PIGK: variants seen among roughly 807,000 people sequenced by gnomAD.
The protein encoded by PIGK is GPI-anchor transamidase.
In PIGK, 42 loss-of-function variants were observed where a neutral mutation model predicts 50.6. That is an observed-to-expected ratio of 0.83 (90% CI 0.65 to 1.07). PIGK has a LOEUF of 1.07. Among genes scored for constraint, PIGK ranks in the 50% least tolerant of loss-of-function variants. PIGK has a pLI of 0.00. For missense variants in PIGK, 448 were observed against 488.7 expected, an observed-to-expected ratio of 0.92 and a Z score of 0.78; for synonymous variants, 151 against 156.0, an observed-to-expected ratio of 0.97 and a Z score of 0.24.
At chr1:77,173,028 T>C (rs1019883819) in intron 3 of PIGK, among the ~76,000 whole-genome samples, 2 of 152,152 alleles carry the variant, frequency 1.3e-5, no homozygotes, top group Non-Finnish European at 2.9e-5. Context: ...ATTGGCTAAG[T>C]TAATCAAGGG....
chr1:77,173,101 T>C (rs982496003), intron 3 of PIGK, among the ~76,000 whole-genome samples: 8 of 152,106 alleles, frequency 5.3e-5, no homozygotes, highest in African/African-American at 1.9e-4. Flanking sequence ...AAGAACTGAG[T>C]TCCTTCTGGC....
chr1:77,216,000 A>G (rs755798076), intron 1 of PIGK, among the ~76,000 whole-genome samples: 107 of 152,176 alleles, frequency 7.0e-4, no homozygotes, highest in Non-Finnish European at 1.3e-3. Flanking sequence ...GATAGCAGGA[A>G]TAAGTTCTAG....
intron 9 of PIGK, among the ~76,000 whole-genome samples, chr1:77,147,749 C>T (rs183621052): frequency 1.3e-5 from 2 of 152,222 alleles, no homozygotes; most frequent in Non-Finnish European, 2.9e-5. Context: ...AATCAAGTTA[C>T]CTAAGCAAAG....
At chr1:77,192,516 A>G (rs1655933281) in intron 3 of PIGK, among the ~76,000 whole-genome samples, 1 of 152,184 alleles carries the variant, frequency 6.6e-6, no homozygotes, top group Admixed American at 6.5e-5. Flanking sequence ...AAGATTACAG[A>G]ATTAGCCAGC....
At chr1:77,219,280 C>T (rs760988906) in intron 1 of PIGK, 30 bp downstream of exon 1, 14 of 1,587,320 alleles carry the variant, frequency 8.8e-6, no homozygotes, top group African/African-American at 1.3e-5. Flanking sequence ...GCCGGCCTCC[C>T]GGCTGTGGTC....
At chr1:77,133,165 C>G (rs1180458066) in intron 9 of PIGK, among the ~76,000 whole-genome samples, 1 of 152,014 alleles carries the variant, frequency 6.6e-6, no homozygotes, top group Non-Finnish European at 1.5e-5. Context: ...GACCATTTTT[C>G]TGTGTCTAAC....
chr1:77,172,638 G>A (rs1243354511), intron 3 of PIGK, among the ~76,000 whole-genome samples: 1 of 152,100 alleles, frequency 6.6e-6, no homozygotes, highest in Non-Finnish European at 1.5e-5. Context: ...AAAATTCGCA[G>A]GGGCCAGGGG....
intron 8 of PIGK, among the ~76,000 whole-genome samples, chr1:77,156,291 A>T (rs1655006563): frequency 6.6e-6 from 1 of 152,192 alleles, no homozygotes; most frequent in African/African-American, 2.4e-5. Context: ...CCTGGGAAAC[A>T]CTGAATAATA....
intron 9 of PIGK, among the ~76,000 whole-genome samples, chr1:77,140,577 T>TACCTTAGTA (rs879571663): frequency 8.5e-4 from 129 of 152,258 alleles, no homozygotes; most frequent in Non-Finnish European, 1.3e-3. Flanking sequence ...AAAGTGGGTT[T>TACCTTAGTA]TTTCATATTT....
chr1:77,130,696 GC>G (rs1197982743), intron 9 of PIGK, among the ~76,000 whole-genome samples: 1 of 152,078 alleles, frequency 6.6e-6, no homozygotes, highest in Non-Finnish European at 1.5e-5. Flanking sequence ...AATGGCTTTG[GC>G]TTTTTCTTCC....
At chr1:77,209,820 A>T (rs555990787) in intron 2 of PIGK, among the ~76,000 whole-genome samples, 1 of 152,194 alleles carries the variant, frequency 6.6e-6, no homozygotes, top group African/African-American at 2.4e-5. Context: ...TAGCAGGTAT[A>T]ATATGATCCC....
intron 3 of PIGK, among the ~76,000 whole-genome samples, chr1:77,178,859 C>A (rs376700895): frequency 9.8e-5 from 15 of 152,324 alleles, no homozygotes; most frequent in African/African-American, 3.6e-4. Context: ...TAACCTATGA[C>A]TGACATGCTG....
chr1:77,108,162 T>C (rs987409943), intron 10 of PIGK, among the ~76,000 whole-genome samples: 1 of 152,236 alleles, frequency 6.6e-6, no homozygotes, highest in East Asian at 1.9e-4. Flanking sequence ...CGCTCGTTAG[T>C]TGATGCAGTT....
Position 77,091,124 on chromosome 1 carries a change from C to T in PIGK, c.*1250G>A, listed in dbSNP as rs1242756751. On this transcript the variant is annotated 3_prime_UTR_variant, in exon 11 of 11. Coordinates refer to ENST00000370812, the MANE Select transcript of PIGK (RefSeq NM_005482.3). ...CTGAATAAAGATGAACACATAAATTCTTGCATAAAACAGATAAGACACCTG... is the reference window on the plus strand; with the variant it reads ...CTGAATAAAGATGAACACATAAATTTTTGCATAAAACAGATAAGACACCTG... 6.6e-6 allele frequency: 1 copy of T among 152,022 alleles called. No homozygotes were observed. Among genetic ancestry groups the T allele is most frequent in the Non-Finnish European group, 1.5e-5 (1 of 67,980 alleles). 9.4% of individuals were successfully genotyped at this position (152,022 alleles called of 1,614,324 possible).
chr1:77,135,440 T>C (rs1436684486), intron 9 of PIGK, among the ~76,000 whole-genome samples: 1 of 152,070 alleles, frequency 6.6e-6, no homozygotes, highest in Non-Finnish European at 1.5e-5. Context: ...TTTTACACTA[T>C]AAGTATTTAA....
chr1:77,143,468 C>T (rs926712612), intron 9 of PIGK, among the ~76,000 whole-genome samples: 3 of 152,060 alleles, frequency 2.0e-5, no homozygotes, highest in Non-Finnish European at 2.9e-5. Flanking sequence ...TAAGCAAAGA[C>T]CGCAGGTCTG....
intron 10 of PIGK, among the ~76,000 whole-genome samples, chr1:77,102,296 C>T (rs1475390581): frequency 6.6e-6 from 1 of 152,196 alleles, no homozygotes; most frequent in Non-Finnish European, 1.5e-5. Context: ...CTAGAGGCAA[C>T]ACCCTCCAAT....
chr1:77,179,611 A>G (rs1655566870), intron 3 of PIGK, among the ~76,000 whole-genome samples: 3 of 152,104 alleles, frequency 2.0e-5, no homozygotes, highest in South Asian at 4.2e-4. Flanking sequence ...TTTCTCTATA[A>G]ATATTCTTCC....
At chr1:77,112,905 CT>C (rs1221458165) in intron 10 of PIGK, among the ~76,000 whole-genome samples, 3 of 152,044 alleles carry the variant, frequency 2.0e-5, no homozygotes, top group Admixed American at 1.3e-4. Flanking sequence ...ACATATGCCC[CT>C]AATACTATGG....
Sources: gnomAD v4.1 joint callset for allele counts (sites outside exome capture counted in the v4.1 genomes callset) on GRCh38, gnomAD v4.1.1 for gene constraint, MANE v1.5 for transcripts, NCBI Gene and HGNC (gene_info 2026-07-23, HGNC 2026-07-21) for gene names.